Variants in NOL4 observed in about 807,000 individuals in gnomAD.
NOL4 encodes the protein nucleolar protein 4.
In NOL4, 17 loss-of-function variants were observed where a neutral mutation model predicts 75.9. That is an observed-to-expected ratio of 0.22 (90% CI 0.15 to 0.34). The LOEUF (loss-of-function observed/expected upper bound fraction) is 0.34, where lower values mean the gene tolerates loss of function less well. Ranked by LOEUF, NOL4 falls within the 10% of genes least tolerant of loss-of-function variation. The pLI, the probability that NOL4 is intolerant of heterozygous loss-of-function variation, is 1.00. For synonymous variants in NOL4, 292 were observed against 289.9 expected (o/e 1.01, Z -0.07); for missense variants, 614 against 793.5 (o/e 0.77, Z 2.72).
chr18:33,915,522 G>A (rs1354086484), intron 9 of NOL4, among the ~76,000 whole-genome samples: 2 of 152,104 alleles, frequency 1.3e-5, no homozygotes, highest in African/African-American at 4.8e-5. Context: ...AGAGCAGGGA[G>A]AATTGCTGGA....
intron 5 of NOL4, among the ~76,000 whole-genome samples, chr18:34,072,894 A>G (rs2077583470): frequency 6.6e-6 from 1 of 152,206 alleles, no homozygotes; most frequent in African/African-American, 2.4e-5. Context: ...TTTTTGCTTA[A>G]ATTAATATGA....
chr18:33,992,490 A>G (rs950803579), intron 6 of NOL4, among the ~76,000 whole-genome samples: 17 of 152,034 alleles, frequency 1.1e-4, no homozygotes, highest in African/African-American at 4.1e-4. Context: ...GGAAACATCT[A>G]TTCAAAAATA....
chr18:33,991,787 C>A (rs542610773), intron 6 of NOL4, among the ~76,000 whole-genome samples: 1 of 152,046 alleles, frequency 6.6e-6, no homozygotes, highest in Admixed American at 6.6e-5. Context: ...CCACACATAG[C>A]CAGTGGTGGC....
At chr18:34,025,622 A>T (rs1214735480) in intron 5 of NOL4, among the ~76,000 whole-genome samples, 1 of 152,160 alleles carries the variant, frequency 6.6e-6, no homozygotes, top group Admixed American at 6.5e-5. Context: ...TAATGGATTG[A>T]CAGATTGATT....
At chr18:34,221,239 A>C (rs1292108617) in intron 1 of NOL4, 3 of 152,226 alleles carry the variant, frequency 2.0e-5, no homozygotes, top group Non-Finnish European at 4.4e-5. Context: ...TAAAACATAC[A>C]TGATATTATG....
intron 9 of NOL4, among the ~76,000 whole-genome samples, chr18:33,887,115 C>A (rs2064779645): frequency 7.3e-6 from 1 of 137,172 alleles, no homozygotes; most frequent in Non-Finnish European, 1.5e-5. Context: ...ATCTCTGTAT[C>A]TATATATATT....
chr18:34,208,540 T>C (rs555106694), intron 1 of NOL4, among the ~76,000 whole-genome samples: 2 of 152,256 alleles, frequency 1.3e-5, no homozygotes, highest in African/African-American at 2.4e-5. Flanking sequence ...CAGACACATA[T>C]ACATTTTTAA....
At chr18:34,207,316 A>G (rs1264221212) in intron 1 of NOL4, among the ~76,000 whole-genome samples, 2 of 152,074 alleles carry the variant, frequency 1.3e-5, no homozygotes. Context: ...TAGTCTTGTT[A>G]AAATCCTCCA....
At chr18:33,989,188 T>C (rs1439869872) in intron 6 of NOL4, among the ~76,000 whole-genome samples, 1 of 29,794 alleles carries the variant, frequency 3.4e-5, no homozygotes, top group East Asian at 1.1e-3. Context: ...ACCCCATCTC[T>C]ACAAAAAAAA....
In NOL4 at chr18:33,943,085, T is replaced by G; in HGVS notation, c.1522A>C (p.Met508Leu). Residue 508 changes from methionine (M) to leucine (L), a missense_variant, in exon 9 of 11, where the codon ATG (methionine) becomes CTG (leucine). Physicochemically the swap from Met to Leu is conservative, Grantham distance 15. Coordinates refer to ENST00000261592, the MANE Select transcript of NOL4 (RefSeq NM_003787.5). ...AGTACCTGCTGTCTCTCCAGACGCA[T>G]CCTCTTGGCGGCATTTCTACTCTCA... is the stretch of plus-strand genomic sequence containing the variant. Reference protein sequence around the residue: ...ESESRNAAKRMRLERQQDESA... With the variant: ...ESESRNAAKRLRLERQQDESA... 1 of 1,611,294 alleles carries G rather than the reference T, an allele frequency of 6.2e-7. No homozygotes were observed. The highest frequency in any genetic ancestry group is 1.1e-5 in the South Asian group (1 of 91,014).
intron 5 of NOL4, among the ~76,000 whole-genome samples, chr18:34,065,222 T>C (rs1335384294): frequency 1.3e-5 from 2 of 151,924 alleles, no homozygotes; most frequent in Non-Finnish European, 2.9e-5. Flanking sequence ...TAATTTAGTT[T>C]ATTCTCTCAA....
At chr18:34,014,737 A>G (rs2074580529) in intron 6 of NOL4, among the ~76,000 whole-genome samples, 1 of 151,962 alleles carries the variant, frequency 6.6e-6, no homozygotes. Flanking sequence ...GAAAATAAAT[A>G]TCACCTAACT....
At chr18:33,921,327 T>C (rs1268286082) in intron 9 of NOL4, among the ~76,000 whole-genome samples, 1 of 152,108 alleles carries the variant, frequency 6.6e-6, no homozygotes, top group Non-Finnish European at 1.5e-5. Context: ...TCTGGGGATG[T>C]TGGGATAGGT....
At chr18:34,178,085 T>G (rs1015332146) in intron 1 of NOL4, among the ~76,000 whole-genome samples, 1 of 151,756 alleles carries the variant, frequency 6.6e-6, no homozygotes, top group Non-Finnish European at 1.5e-5. Flanking sequence ...TGTATAGAGA[T>G]ATAATCTGTG....
chr18:34,128,975 A>G (rs2080507998), intron 2 of NOL4: 1 of 323,914 alleles, frequency 3.1e-6, no homozygotes, highest in Non-Finnish European at 4.4e-6. Context: ...GCAAAATTCA[A>G]TAAGAATTCT....
rs552953698 is a variant in NOL4 at position 34,213,041 on chromosome 18, A to G, written c.264+9949T>C. On this transcript the variant is annotated intron_variant, in intron 1 of 10. Transcript: ENST00000261592. ...CGTCATGTTCACAGATGCTGCCCAC[A>G]CTCAAAGGAGAAGGGATTATACAAG... 3.3e-5 allele frequency among the ~76,000 whole-genome samples: 5 copies of G among 152,272 alleles called. No homozygotes were observed. In the East Asian group the frequency reaches 9.7e-4, roughly 30 times the overall value.
intron 5 of NOL4, among the ~76,000 whole-genome samples, chr18:34,079,419 C>G (rs992357355): frequency 6.6e-6 from 1 of 151,858 alleles, no homozygotes; most frequent in East Asian, 1.9e-4. Flanking sequence ...CCATCCTAGG[C>G]TGGAGTGTGT....
rs1378272433 is a variant in NOL4 at position 33,994,570 on chromosome 18, G to A, written c.1056+24748C>T. On this transcript the variant is annotated intron_variant, in intron 6 of 10. Coordinates refer to ENST00000261592, the MANE Select transcript of NOL4 (RefSeq NM_003787.5). ...GGTCAATAAAGAAATCAAAAGTTAA[G>A]TTAGAAAATACTTTTAAGTAAATGA... Among the ~76,000 whole-genome samples, 4 of 151,732 alleles carry A rather than the reference G, an allele frequency of 2.6e-5. No homozygotes were observed. In the East Asian group the frequency reaches 7.7e-4, roughly 29 times the overall value.
At chr18:34,178,087 T>G (rs963447732) in intron 1 of NOL4, among the ~76,000 whole-genome samples, 7 of 151,902 alleles carry the variant, frequency 4.6e-5, no homozygotes, top group East Asian at 3.9e-4. Flanking sequence ...TATAGAGATA[T>G]AATCTGTGGC....
Sources: allele counts gnomAD v4.1 joint callset (sites outside exome capture counted in the v4.1 genomes callset), GRCh38; gene constraint gnomAD v4.1.1; transcripts MANE v1.5; gene names NCBI Gene and HGNC (gene_info 2026-07-23, HGNC 2026-07-21).